The following GNG13 variants were observed in gnomAD, a reference collection of about 807,000 sequenced individuals.
GNG13 encodes the protein G protein subunit gamma 13, also known as guanine nucleotide-binding protein G(I)/G(S)/G(O) subunit gamma-13.
Under a neutral mutation model 8.2 loss-of-function variants are expected in GNG13, and 12 were observed. The observed-to-expected ratio is 1.47, with a 90% confidence interval of 0.94 to 2.38. GNG13 has a LOEUF of 2.38. GNG13 is among the 30% of genes most tolerant of loss of function. GNG13 has a pLI of 0.00. For synonymous variants in GNG13, 45 were observed against 33.0 expected, an observed-to-expected ratio of 1.37 and a Z score of -1.25; for missense variants, 100 against 85.2, an observed-to-expected ratio of 1.17 and a Z score of -0.68.
intron 2 of GNG13, 25 bp downstream of exon 2, chr16:798,955 C>T: frequency 6.8e-7 from 1 of 1,469,036 alleles, no homozygotes; most frequent in Non-Finnish European, 9.5e-7. Context: ...AAATGAGAGG[C>T]AAATCAGGCA....
intron 1 of GNG13, among the ~76,000 whole-genome samples, chr16:800,098 C>T (rs1288182679): frequency 6.6e-6 from 1 of 152,066 alleles, no homozygotes; most frequent in African/African-American, 2.4e-5. Context: ...AGACTCCCAG[C>T]AGCCAGCAGA....
chr16:798,896 G>T, intron 2 of GNG13, 72 bp from the exon 3 acceptor site: 1 of 1,348,494 alleles, frequency 7.4e-7, no homozygotes, highest in Non-Finnish European at 1.1e-6. Context: ...CCTGCCTGTC[G>T]GCGGCGGTGG....
In GNG13 at chr16:798,129, G is replaced by A; in HGVS notation, c.*590C>T. 2 of 1,035,300 alleles carry A rather than the reference G, an allele frequency of 1.9e-6. No individual in the cohort carries two copies. Among genetic ancestry groups the A allele is most frequent in the South Asian group, 1.5e-5 (1 of 65,058 alleles). 64.1% of individuals were successfully genotyped at this position (1,035,300 alleles called of 1,614,324 possible). On this transcript the variant is annotated 3_prime_UTR_variant, in exon 3 of 3. Coordinates refer to ENST00000248150, the MANE Select transcript of GNG13 (RefSeq NM_016541.3). ...ATGGTGGGAGTGGGGCCGGGCGTGG[G>A]CTCATAGGATGGTGTGAGTGGGGCC... is the stretch of plus-strand genomic sequence containing the variant.
chr16:799,201 G>T, intron 1 of GNG13, 90 bp from the exon 2 acceptor site: 1 of 668,760 alleles, frequency 1.5e-6, no homozygotes, highest in Non-Finnish European at 2.7e-6. Flanking sequence ...GCTGAACCCC[G>T]CAGGATGAAG....
rs2042411281 is a variant in GNG13 at position 798,222 on chromosome 16, C to T, written c.*497G>A. On this transcript the variant is annotated 3_prime_UTR_variant, in exon 3 of 3. Coordinates refer to ENST00000248150, the MANE Select transcript of GNG13 (RefSeq NM_016541.3). ...GTCTCACAGGATAGAGTGAGTGGGG[C>T]CGGGCGTGGTCTCACAGGATGGAGT... The T allele has an allele frequency of 1.7e-6, 1 of 602,726 alleles. No homozygotes were observed. Among genetic ancestry groups the T allele is most frequent in the African/African-American group, 2.2e-5 (1 of 44,942 alleles). 37.3% of individuals were successfully genotyped at this position (602,726 alleles called of 1,614,324 possible). A position where few individuals can be genotyped will look rare whatever the true frequency, so the allele number is the denominator to read the frequency against.
chr16:799,370 C>T (rs1021005657), intron 1 of GNG13, among the ~76,000 whole-genome samples: 3 of 152,194 alleles, frequency 2.0e-5, no homozygotes, highest in African/African-American at 7.2e-5. Context: ...CATAGGCCCC[C>T]ACACCTTACG....
chr16:799,843 C>T lies in GNG13; in HGVS notation c.-34-732G>A, dbSNP rs897865665. 4.6e-5 allele frequency among the ~76,000 whole-genome samples: 7 copies of T among 152,180 alleles called. No homozygotes were observed. The East Asian group carries it at 1.4e-3, about 29-fold the overall frequency. ...TGCCCCCTGCCTCTCCCCCTACCCA[C>T]TCCAGGGGCCCAGGGAGTCCCTCAC... On this transcript the variant is annotated intron_variant, in intron 1 of 2. Coordinates refer to ENST00000248150, the MANE Select transcript of GNG13 (RefSeq NM_016541.3).
chr16:799,436 A>ACCCTCCCACTGAGGCCTGCG (rs1363518293), intron 1 of GNG13, among the ~76,000 whole-genome samples: 1 of 152,120 alleles, frequency 6.6e-6, no homozygotes, highest in East Asian at 1.9e-4. Context: ...CCCAGCTCCT[A>ACCCTCCCACTGAGGCCTGCG]CCCTCCCACT....
In GNG13 at chr16:798,879, T is replaced by C. The variant is rs1473569072; in HGVS notation, c.99-55A>G. 4.4e-6 allele frequency: 6 copies of C among 1,367,634 alleles called. No individual in the cohort carries two copies. The South Asian group carries it at 5.8e-5, about 13-fold the overall frequency. The allele number at this position is 1,367,634 out of a possible 1,614,324, so 84.7% of individuals were successfully genotyped here. ...TGGCACCTGACCCCCGAGGGCCTCC[T>C]GCTGCACCTGCCTGTCGGCGGCGGT... On this transcript the variant is annotated intron_variant, in intron 2 of 2. Transcript: ENST00000248150.
chr16:799,039 C>T lies in GNG13; in HGVS notation c.39G>A (p.Val13=). 1.9e-6 allele frequency: 3 copies of T among 1,611,494 alleles called. No homozygotes were observed. The highest frequency in any genetic ancestry group is 2.2e-5 in the South Asian group (2 of 91,052). Residue 13 remains valine, a synonymous_variant, in exon 2 of 3, where the codon GTG becomes GTA. Coordinates refer to ENST00000248150, the MANE Select transcript of GNG13 (RefSeq NM_016541.3). ...AGGCCAGCTGGTACTTGAGGCTCTC[C>T]ACCTCTTTCTTCATCTGTGGCACGT... ...EWDVPQMKKE[V]ESLKYQLAFQ...
chr16:799,313 C>G (rs921048153), intron 1 of GNG13, among the ~76,000 whole-genome samples: 1 of 152,212 alleles, frequency 6.6e-6, no homozygotes, highest in African/African-American at 2.4e-5. Flanking sequence ...GCCTCCTGCA[C>G]TGGGACTAAT....
At chr16:799,142 G>A (rs1442632014) in intron 1 of GNG13, 31 bp from the exon 2 acceptor site, 6 of 914,172 alleles carry the variant, frequency 6.6e-6, no homozygotes, top group Non-Finnish European at 8.9e-6. Context: ...CCACAGGGCC[G>A]AGGCCACCAG....
At position 798,080 on chromosome 16, in the gene GNG13, T is replaced by G; in HGVS notation, c.*639A>C. 1 of 1,442,668 alleles carries G rather than the reference T, an allele frequency of 6.9e-7. No individual in the cohort carries two copies. The highest frequency in any genetic ancestry group is 9.3e-7 in the Non-Finnish European group (1 of 1,072,370). 89.4% of individuals were successfully genotyped at this position (1,442,668 alleles called of 1,614,324 possible). A position where few individuals can be genotyped will look rare whatever the true frequency, so the allele number is the denominator to read the frequency against. ...CACACCTTTACAGACTGTAATCACG[T>G]GCGAGTGGAGTGGGGTTCACAGGAT... On this transcript the variant is annotated 3_prime_UTR_variant, in exon 3 of 3. Transcript: ENST00000248150.
intron 1 of GNG13, among the ~76,000 whole-genome samples, 179 bp downstream of exon 1, chr16:800,487 C>T (rs889443327): frequency 3.3e-5 from 5 of 152,218 alleles, no homozygotes; most frequent in Admixed American, 1.3e-4. Flanking sequence ...ACAGCTCCCC[C>T]GCACCGCGAG....
chr16:800,421 C>T (rs2042436098), intron 1 of GNG13, among the ~76,000 whole-genome samples: 1 of 152,234 alleles, frequency 6.6e-6, no homozygotes, highest in Non-Finnish European at 1.5e-5. Context: ...CCCGTGGACG[C>T]CCCCAGCCAC....
intron 1 of GNG13, 70 bp downstream of exon 1, chr16:800,596 C>T (rs146039313): frequency 0.021 from 3,251 of 152,328 alleles, 48 homozygotes; most frequent in Non-Finnish European, 0.034. Context: ...AGGGGACTGA[C>T]CTGGGCCAGC....
At position 798,718 on chromosome 16, in the gene GNG13, C is replaced by T. The variant is rs748705191; in HGVS notation, c.*1G>A. 5 of 1,586,186 alleles carry T rather than the reference C, an allele frequency of 3.2e-6. No homozygotes were observed. Among genetic ancestry groups the T allele is most frequent in the Non-Finnish European group, 4.3e-6 (5 of 1,155,108 alleles). On this transcript the variant is annotated 3_prime_UTR_variant, in exon 3 of 3. Coordinates refer to ENST00000248150, the MANE Select transcript of GNG13 (RefSeq NM_016541.3). The stretch of plus-strand genomic sequence containing the variant: ...GGTGTGAGAGGGGCCGGGTGCGGGG[C>T]TCACAGGATGGTGCATTTGCCCTTT...
chr16:798,646 A>G lies in GNG13; in HGVS notation c.*73T>C, dbSNP rs2042419641. ...GGATGGAGTGAGTGGGGCTGGGCACAGTCTTACAAGATGGTGGGAGTGGGG... is the reference window on the plus strand; with the variant it reads ...GGATGGAGTGAGTGGGGCTGGGCACGGTCTTACAAGATGGTGGGAGTGGGG... On this transcript the variant is annotated 3_prime_UTR_variant, in exon 3 of 3. Transcript: ENST00000248150. 3 of 871,634 alleles carry G rather than the reference A, an allele frequency of 3.4e-6. No homozygotes were observed. The highest frequency in any genetic ancestry group is 3.6e-5 in the Admixed American group (2 of 55,406). 54.0% of individuals were successfully genotyped at this position (871,634 alleles called of 1,614,324 possible).
At position 798,473 on chromosome 16, in the gene GNG13, G is replaced by A. The variant is rs1445925496; in HGVS notation, c.*246C>T. 5.3e-6 allele frequency: 3 copies of A among 568,366 alleles called. No individual in the cohort carries two copies. Among genetic ancestry groups the A allele is most frequent in the Non-Finnish European group, 9.7e-6 (3 of 310,018 alleles). The allele number at this position is 568,366 out of a possible 1,614,324, so 35.2% of individuals were successfully genotyped here. A position where few individuals can be genotyped will look rare whatever the true frequency, so the allele number is the denominator to read the frequency against. On this transcript the variant is annotated 3_prime_UTR_variant, in exon 3 of 3. Transcript: ENST00000248150. ...GGATGGTGGGAGTGGGGCTGGGAGT[G>A]GGACTCACAGGATGGAGTGAATGGG...
Sources: allele counts gnomAD v4.1 joint callset (sites outside exome capture counted in the v4.1 genomes callset), GRCh38; gene constraint gnomAD v4.1.1; transcripts MANE v1.5; gene names NCBI Gene and HGNC (gene_info 2026-07-23, HGNC 2026-07-21).